TMIGD1: variants seen among roughly 807,000 people sequenced by gnomAD.
The protein encoded by TMIGD1 is transmembrane and immunoglobulin domain-containing protein 1.
A neutral mutation model predicts 27.5 loss-of-function variants in TMIGD1; 29 were observed. The ratio of observed to expected loss-of-function variants is 1.05; its 90% CI spans 0.78 to 1.44. TMIGD1 has a LOEUF of 1.44. Among genes scored for constraint, TMIGD1 ranks in the 40% most tolerant of loss-of-function variants. TMIGD1 has a pLI of 0.00. For synonymous variants in TMIGD1, 109 were observed against 110.3 expected (o/e 0.99, Z 0.07); for missense variants, 334 against 310.6 (o/e 1.08, Z -0.57).
intron 4 of TMIGD1, among the ~76,000 whole-genome samples, chr17:30,319,261 A>AAAAAAAAAAAATATATATATATAT: frequency 2.3e-4 from 16 of 69,028 alleles, no homozygotes; most frequent in South Asian, 8.5e-4. Context: ...AAAAAAAAAA[A>AAAAAAAAAAAATATATATATATAT]ATATATATAT....
intron 3 of TMIGD1, 72 bp downstream of exon 3, chr17:30,329,179 T>A (rs1189663821): frequency 6.4e-7 from 1 of 1,556,086 alleles, no homozygotes; most frequent in Non-Finnish European, 8.7e-7. Flanking sequence ...TACCAAGACC[T>A]AGATTTCAAC....
At chr17:30,318,066 T>A (rs756485036) in intron 5 of TMIGD1, among the ~76,000 whole-genome samples, 9 of 150,612 alleles carry the variant, frequency 6.0e-5, no homozygotes, top group Non-Finnish European at 8.9e-5. Context: ...AAACTCTATC[T>A]CAAAAAAATA....
chr17:30,329,396 C>A lies in TMIGD1; in HGVS notation c.216G>T (p.Gly72=). The A allele has an allele frequency of 6.2e-7, 1 of 1,614,206 alleles. No homozygotes were observed. Among genetic ancestry groups the A allele is most frequent in the Non-Finnish European group, 8.5e-7 (1 of 1,180,038 alleles). The change falls in exon 3 of 7, where the codon GGG becomes GGT. Residue 72 remains glycine (G), a synonymous_variant. Transcript: ENST00000328886. The part of the protein sequence containing the change: ...EEELLWYREE[G]RVDLKSGNKI... ...TGTTTCCAGATTTCAAATCCACTCT[C>A]CCCTCCTCTCGGTACCAGAGCAGTT...
intron 2 of TMIGD1, among the ~76,000 whole-genome samples, chr17:30,331,226 G>A (rs1466003086): frequency 2.0e-5 from 3 of 151,998 alleles, no homozygotes; most frequent in Non-Finnish European, 2.9e-5. Flanking sequence ...TACTTGTAAA[G>A]ATAATGGTAT....
At chr17:30,325,243 A>G in intron 3 of TMIGD1, 149 bp from the exon 4 acceptor site, 1 of 745,600 alleles carries the variant, frequency 1.3e-6, no homozygotes, top group Non-Finnish European at 2.1e-6. Flanking sequence ...GCACTGGGGT[A>G]ACAAGGGCAA....
At chr17:30,319,614 C>T (rs771225814) in intron 4 of TMIGD1, among the ~76,000 whole-genome samples, 5 of 151,572 alleles carry the variant, frequency 3.3e-5, no homozygotes, top group African/African-American at 7.3e-5. Flanking sequence ...TTGAAGTCAA[C>T]GATTTTGCCT....
intron 2 of TMIGD1, among the ~76,000 whole-genome samples, chr17:30,330,056 G>A (rs1222797692): frequency 1.3e-5 from 2 of 152,158 alleles, no homozygotes; most frequent in African/African-American, 4.8e-5. Context: ...TTGAACTCCA[G>A]TCTGGGTGAT....
intron 4 of TMIGD1, among the ~76,000 whole-genome samples, chr17:30,324,316 T>C (rs1174722171): frequency 6.6e-6 from 1 of 152,202 alleles, no homozygotes; most frequent in South Asian, 2.1e-4. Context: ...AGATGAAGCA[T>C]GAATCCAAGA....
intron 6 of TMIGD1, 29 bp from the exon 7 acceptor site, chr17:30,316,719 T>C: frequency 6.2e-7 from 1 of 1,609,030 alleles, no homozygotes; most frequent in Non-Finnish European, 8.5e-7. Flanking sequence ...TTAATAATAA[T>C]GATGCTCATA....
chr17:30,319,259 A>AT lies in TMIGD1; in HGVS notation c.641-347_641-346insA, dbSNP rs1389850047. Among the ~76,000 whole-genome samples the AT allele has an allele frequency of 1.3e-3, 67 of 52,272 alleles. 2 individuals carry two copies. The highest frequency in any genetic ancestry group is 9.7e-3 in the African/African-American group (51 of 5,276). The allele number at this position is 52,272 out of a possible 152,430, so 34.3% of individuals were successfully genotyped here. ...TCTGTAAAAAAAAAAGAAAAAAAAA[A>AT]AAATATATATATATATATAGCTGGG... is the stretch of plus-strand genomic sequence containing the variant. On this transcript the variant is annotated intron_variant, in intron 4 of 6. Transcript: ENST00000328886.
chr17:30,332,693 T>A (rs1449280110), intron 1 of TMIGD1, among the ~76,000 whole-genome samples: 1 of 152,066 alleles, frequency 6.6e-6, no homozygotes, highest in African/African-American at 2.4e-5. Flanking sequence ...CACTATTCTC[T>A]CTCTCTCTTC....
intron 4 of TMIGD1, among the ~76,000 whole-genome samples, chr17:30,319,261 A>AAAAAAAAAAAAAATATATATATATATAT: frequency 4.1e-4 from 28 of 69,014 alleles, no homozygotes; most frequent in African/African-American, 1.1e-3. Context: ...AAAAAAAAAA[A>AAAAAAAAAAAAAATATATATATATATAT]ATATATATAT....
chr17:30,326,356 T>C (rs976035245), intron 3 of TMIGD1, among the ~76,000 whole-genome samples: 1 of 152,224 alleles, frequency 6.6e-6, no homozygotes, highest in African/African-American at 2.4e-5. Context: ...AGATCCAAGC[T>C]GGTCACTTCC....
Position 30,322,786 on chromosome 17 carries a change from C to T in TMIGD1, c.640+2030G>A, listed in dbSNP as rs576789800. Reference sequence around the variant, plus strand: ...AAATGCTGGGATTACAGGCGTGAGCCGCTGCACCTGGCTGACAGCTCTTAT... The same window carrying T: ...AAATGCTGGGATTACAGGCGTGAGCTGCTGCACCTGGCTGACAGCTCTTAT... On this transcript the variant is annotated intron_variant, in intron 4 of 6. Coordinates refer to ENST00000328886, the MANE Select transcript of TMIGD1 (RefSeq NM_206832.3). 6.6e-5 allele frequency among the ~76,000 whole-genome samples: 10 copies of T among 152,328 alleles called. No individual in the cohort carries two copies. In the East Asian group the frequency reaches 1.3e-3, roughly 21 times the overall value.
At position 30,332,158 on chromosome 17, in the gene TMIGD1, A is replaced by C; in HGVS notation, c.-25T>G. 1.3e-6 allele frequency: 2 copies of C among 1,593,218 alleles called. No individual in the cohort carries two copies. Among genetic ancestry groups the C allele is most frequent in the Non-Finnish European group, 1.7e-6 (2 of 1,166,486 alleles). On this transcript the variant is annotated splice_region_variant and 5_prime_UTR_variant, in exon 2 of 7. Transcript: ENST00000328886. ...TCTTTAATGAGTTAAACTCAGATCT[A>C]CTAAGGGAAAAATAGTGCAGTTGGT...
At chr17:30,325,894 A>G (rs1909758649) in intron 3 of TMIGD1, among the ~76,000 whole-genome samples, 1 of 149,016 alleles carries the variant, frequency 6.7e-6, no homozygotes, top group African/African-American at 2.4e-5. Flanking sequence ...TTCCTCTACA[A>G]TAAGGGCAGT....
intron 2 of TMIGD1, among the ~76,000 whole-genome samples, chr17:30,331,159 C>T (rs1909964022): frequency 6.6e-6 from 1 of 152,182 alleles, no homozygotes; most frequent in Non-Finnish European, 1.5e-5. Context: ...CACACCACTG[C>T]ACTCCAGCCT....
At position 30,325,107 on chromosome 17, in the gene TMIGD1, A is replaced by G. The variant is rs544669834; in HGVS notation, c.362-13T>C. On this transcript the variant is annotated splice_polypyrimidine_tract_variant and intron_variant, in intron 3 of 6. Transcript: ENST00000328886. ...AGGAGAGGAGGAACTGCAAGACTCA[A>G]GCATTTAGATTTAATTAGCAGATAA... 1.3e-6 allele frequency: 2 copies of G among 1,599,722 alleles called. No homozygotes were observed. Among genetic ancestry groups the G allele is most frequent in the Admixed American group, 1.7e-5 (1 of 58,052 alleles).
intron 1 of TMIGD1, among the ~76,000 whole-genome samples, chr17:30,332,728 A>G (rs2143194239): frequency 6.6e-6 from 1 of 152,282 alleles, no homozygotes; most frequent in South Asian, 2.1e-4. Context: ...GACTAAAAAT[A>G]ATAAATAATA....
Sources: allele counts gnomAD v4.1 joint callset (sites outside exome capture counted in the v4.1 genomes callset), GRCh38; gene constraint gnomAD v4.1.1; transcripts MANE v1.5; gene names NCBI Gene and HGNC (gene_info 2026-07-23, HGNC 2026-07-21).